AGBL4: variants seen among roughly 807,000 people sequenced by gnomAD.
AGBL4 encodes AGBL carboxypeptidase 4, also known as cytosolic carboxypeptidase 6.
In AGBL4, 58 loss-of-function variants were observed where a neutral mutation model predicts 66.4. The observed-to-expected ratio is 0.87, with a 90% CI of 0.71 to 1.09. The LOEUF is 1.09. Among genes scored for constraint, AGBL4 ranks in the 50% least tolerant of loss-of-function variants. The probability of loss-of-function intolerance (pLI) is 0.00; values close to 1 mark genes in which losing one functional copy is unlikely to be tolerated. For synonymous variants in AGBL4, 234 were observed against 222.9 expected (o/e 1.05, Z -0.44); for missense variants, 579 against 631.0 (o/e 0.92, Z 0.88).
At chr1:48,869,300 C>T (rs1184640767) in intron 5 of AGBL4, among the ~76,000 whole-genome samples, 5 of 152,160 alleles carry the variant, frequency 3.3e-5, no homozygotes, top group Admixed American at 2.0e-4. Flanking sequence ...CTAGAAGGAA[C>T]GCTGGAGCCA....
chr1:49,585,932 C>T lies in AGBL4; in HGVS notation c.282+111381G>A, dbSNP rs1388925043. ...CATAAAAATAATTCCCATTTTTCCC[C>T]CCTGAATATTCTGTCTGTGTATTGG... On this transcript the variant is annotated intron_variant, in intron 3 of 13. Coordinates refer to ENST00000371839, the MANE Select transcript of AGBL4 (RefSeq NM_032785.4). 2.0e-5 allele frequency among the ~76,000 whole-genome samples: 3 copies of T among 152,186 alleles called. No individual in the cohort carries two copies. In the East Asian group the frequency reaches 5.8e-4, roughly 29 times the overall value.
intron 3 of AGBL4, among the ~76,000 whole-genome samples, chr1:49,260,109 C>T (rs1344602176): frequency 1.3e-5 from 2 of 149,582 alleles, no homozygotes; most frequent in Admixed American, 6.6e-5. Flanking sequence ...TTGAAACCAA[C>T]GAGAACAAAG....
intron 3 of AGBL4, among the ~76,000 whole-genome samples, chr1:49,381,487 C>T (rs1175985273): frequency 6.6e-6 from 1 of 152,092 alleles, no homozygotes; most frequent in Non-Finnish European, 1.5e-5. Flanking sequence ...CCAGCCATCC[C>T]ATTACTGGGT....
intron 1 of AGBL4, among the ~76,000 whole-genome samples, chr1:49,921,258 AAAAC>A (rs144768438): frequency 1.1e-4 from 17 of 152,306 alleles, no homozygotes; most frequent in Middle Eastern, 3.4e-3. Context: ...AAAAGAAAAA[AAAAC>A]AAACAAACAA....
At chr1:48,856,726 A>C (rs1458512062) in intron 6 of AGBL4, among the ~76,000 whole-genome samples, 1 of 152,256 alleles carries the variant, frequency 6.6e-6, no homozygotes, top group East Asian at 1.9e-4. Context: ...AGAGGGGATA[A>C]AGAACTTTGT....
intron 5 of AGBL4, among the ~76,000 whole-genome samples, chr1:49,019,952 T>G (rs1167057288): frequency 6.6e-6 from 1 of 152,222 alleles, no homozygotes. Context: ...CACAAAGAAC[T>G]TAGCTAGTGC....
At chr1:49,910,834 G>A (rs1177091475) in intron 1 of AGBL4, among the ~76,000 whole-genome samples, 1 of 152,076 alleles carries the variant, frequency 6.6e-6, no homozygotes, top group Non-Finnish European at 1.5e-5. Context: ...AAATTAGCCG[G>A]GCACGGCGGC....
At chr1:49,811,897 TCA>T (rs1645110992) in intron 2 of AGBL4, among the ~76,000 whole-genome samples, 2 of 152,134 alleles carry the variant, frequency 1.3e-5, no homozygotes. Flanking sequence ...CAAAGGTAAA[TCA>T]GAATCCAGAG....
At chr1:48,561,294 C>T (rs570529021) in intron 11 of AGBL4, among the ~76,000 whole-genome samples, 3 of 151,776 alleles carry the variant, frequency 2.0e-5, no homozygotes, top group East Asian at 3.9e-4. Context: ...CCTTCCTCTT[C>T]TCTCTCTCCT....
At chr1:49,288,411 C>T (rs1570350143) in intron 3 of AGBL4, among the ~76,000 whole-genome samples, 1 of 150,704 alleles carries the variant, frequency 6.6e-6, no homozygotes, top group Non-Finnish European at 1.5e-5. Flanking sequence ...TAAGTTAATT[C>T]TAGATCCAAC....
intron 2 of AGBL4, among the ~76,000 whole-genome samples, chr1:49,743,489 G>A (rs1379841044): frequency 2.6e-5 from 4 of 152,212 alleles, no homozygotes; most frequent in African/African-American, 9.6e-5. Flanking sequence ...GTGGAAGTTA[G>A]TGTGGCGATT....
chr1:49,073,987 T>G (rs1644661727), intron 4 of AGBL4, among the ~76,000 whole-genome samples: 1 of 152,182 alleles, frequency 6.6e-6, no homozygotes, highest in Non-Finnish European at 1.5e-5. Flanking sequence ...TGCTGAGCTG[T>G]GGTGGGCTCT....
At chr1:50,009,727 T>C (rs1661389141) in intron 1 of AGBL4, among the ~76,000 whole-genome samples, 1 of 151,730 alleles carries the variant, frequency 6.6e-6, no homozygotes, top group Non-Finnish European at 1.5e-5. Context: ...GAATTATTAT[T>C]GTTTGTAGAT....
chr1:49,551,254 CT>C (rs1292362673), intron 3 of AGBL4, among the ~76,000 whole-genome samples: 1 of 152,162 alleles, frequency 6.6e-6, no homozygotes, highest in African/African-American at 2.4e-5. Context: ...TGGTGCATCC[CT>C]GATTAGTTAA....
intron 6 of AGBL4, among the ~76,000 whole-genome samples, chr1:48,769,379 C>T (rs922833341): frequency 6.6e-5 from 10 of 152,080 alleles, no homozygotes; most frequent in Admixed American, 6.6e-5. Flanking sequence ...TTCTATGGAG[C>T]CATTTGTCTA....
At chr1:49,600,180 C>T (rs1169567835) in intron 3 of AGBL4, among the ~76,000 whole-genome samples, 4 of 152,152 alleles carry the variant, frequency 2.6e-5, no homozygotes, top group Non-Finnish European at 4.4e-5. Context: ...AATATTCTGA[C>T]TCATTGATTT....
At chr1:48,730,372 G>T (rs1159186231) in intron 6 of AGBL4, among the ~76,000 whole-genome samples, 2 of 152,142 alleles carry the variant, frequency 1.3e-5, no homozygotes, top group Non-Finnish European at 1.5e-5. Flanking sequence ...CTCTAGGGGG[G>T]ACTTCTCTGG....
rs1657161082 is a variant in AGBL4 at position 48,953,361 on chromosome 1, G to T, written c.595-86131C>A. ...CAACTACTATGCTGCCAGCACTAAT[G>T]ATGTTGCAGGGCCAGGAACTCAAGA... On this transcript the variant is annotated intron_variant, in intron 5 of 13. Transcript: ENST00000371839. Among the ~76,000 whole-genome samples, 3 of 152,164 alleles carry T rather than the reference G, an allele frequency of 2.0e-5. No individual in the cohort carries two copies. In the South Asian group the frequency reaches 6.2e-4, roughly 32 times the overall value.
rs1250214943 is a variant in AGBL4, at chr1:48,736,059, C to T, written c.635-72818G>A. Among the ~76,000 whole-genome samples the T allele has an allele frequency of 2.0e-5, 3 of 152,208 alleles. No homozygotes were observed. Among genetic ancestry groups the T allele is most frequent in the African/African-American group, 7.2e-5 (3 of 41,446 alleles). On this transcript the variant is annotated intron_variant, in intron 6 of 13. Transcript: ENST00000371839. The surrounding 1 kb of genome is among the most constrained non-coding windows in gnomAD (Gnocchi z 4.0). Reference sequence around the variant, plus strand: ...CGTACTTGTGTCCACAGCTCATCTGCCCTGGTAAATGTGAGCTCTTCTGGG... The same window carrying T: ...CGTACTTGTGTCCACAGCTCATCTGTCCTGGTAAATGTGAGCTCTTCTGGG...
Sources: gnomAD v4.1 joint callset for allele counts (sites outside exome capture counted in the v4.1 genomes callset) on GRCh38, gnomAD v4.1.1 for gene constraint, Gnocchi (gnomAD v3.1) non-coding constraint, MANE v1.5 for transcripts, NCBI Gene and HGNC (gene_info 2026-07-23, HGNC 2026-07-21) for gene names.